LHFPL3: variants seen among roughly 807,000 people sequenced by gnomAD.
LHFPL3 encodes the protein LHFPL tetraspan subfamily member 3 protein.
Under a neutral mutation model 19.3 loss-of-function variants are expected in LHFPL3, and 5 were observed. The ratio of observed to expected loss-of-function variants is 0.26; its 90% CI spans 0.14 to 0.54. The LOEUF (loss-of-function observed/expected upper bound fraction) is 0.54, where lower values mean the gene tolerates loss of function less well. Ranked by LOEUF, LHFPL3 falls within the 20% of genes least tolerant of loss-of-function variation. The pLI is 0.94. For synonymous variants in LHFPL3, 133 were observed against 126.2 expected (o/e 1.05, Z -0.36); for missense variants, 249 against 307.4 (o/e 0.81, Z 1.42).
chr7:104,347,921 C>G (rs1349675862), intron 1 of LHFPL3, among the ~76,000 whole-genome samples: 1 of 151,734 alleles, frequency 6.6e-6, no homozygotes, highest in African/African-American at 2.4e-5. Flanking sequence ...AAAACTTTGC[C>G]TTGTTTTCTG....
intron 1 of LHFPL3, among the ~76,000 whole-genome samples, chr7:104,477,017 G>A (rs1014199001): frequency 6.6e-6 from 1 of 151,984 alleles, no homozygotes; most frequent in Non-Finnish European, 1.5e-5. Flanking sequence ...TTAATACAAA[G>A]TCTTGCTCTC....
At position 104,602,020 on chromosome 7, in the gene LHFPL3, C is replaced by CTTTTTTTTTTT. The variant is rs57501560; in HGVS notation, c.446-134645_446-134635dup. ...TAGCAATTTATTTTCTTTTTCTTTT[C>CTTTTTTTTTTT]TTTTTTTTTTTTTTTTTTTTCTGAC... On this transcript the variant is annotated intron_variant, in intron 1 of 2. Coordinates refer to ENST00000424859, the MANE Select transcript of LHFPL3 (RefSeq NM_199000.3). Among the ~76,000 whole-genome samples the CTTTTTTTTTTT allele has an allele frequency of 1.8e-3, 163 of 91,456 alleles. 8 individuals are homozygous for CTTTTTTTTTTT. The highest frequency in any genetic ancestry group is 4.3e-3 in the East Asian group (12 of 2,760). 60.0% of individuals were successfully genotyped at this position (91,456 alleles called of 152,430 possible). A position where few individuals can be genotyped will look rare whatever the true frequency, so the allele number is the denominator to read the frequency against.
chr7:104,803,928 G>A (rs573978573), intron 2 of LHFPL3: 1 of 152,276 alleles, frequency 6.6e-6, no homozygotes, highest in East Asian at 1.9e-4. Flanking sequence ...TCAGGCTTCT[G>A]TCATCATGTT....
intron 2 of LHFPL3, among the ~76,000 whole-genome samples, chr7:104,744,843 T>C (rs960108948): frequency 5.9e-5 from 9 of 152,204 alleles, no homozygotes; most frequent in African/African-American, 2.2e-4. Context: ...TGTGGTCTCC[T>C]TTGCCAATTC....
chr7:104,445,102 CTGG>C (rs1356357272), intron 1 of LHFPL3, among the ~76,000 whole-genome samples: 3 of 151,962 alleles, frequency 2.0e-5, no homozygotes, highest in African/African-American at 7.2e-5. Flanking sequence ...TGTTAGTTTG[CTGG>C]TGGTGGTGGT....
At chr7:104,869,011 C>A (rs551718798) in intron 2 of LHFPL3, among the ~76,000 whole-genome samples, 11 of 152,266 alleles carry the variant, frequency 7.2e-5, no homozygotes, top group African/African-American at 2.4e-4. Context: ...GCTGGGAAAA[C>A]TGGCTAGCCA....
intron 1 of LHFPL3, among the ~76,000 whole-genome samples, chr7:104,431,340 A>G (rs962965874): frequency 3.9e-5 from 6 of 152,190 alleles, no homozygotes; most frequent in African/African-American, 9.6e-5. Flanking sequence ...AATTCTTAAT[A>G]TAGTACTGTC....
At chr7:104,723,191 G>C (rs1034127902) in intron 1 of LHFPL3, among the ~76,000 whole-genome samples, 1 of 152,134 alleles carries the variant, frequency 6.6e-6, no homozygotes. Flanking sequence ...AGCCATTTGT[G>C]TACTATTTCA....
chr7:104,565,674 T>A (rs190305996), intron 1 of LHFPL3, among the ~76,000 whole-genome samples: 1 of 141,112 alleles, frequency 7.1e-6, no homozygotes, highest in Non-Finnish European at 1.5e-5. Context: ...ACAGTTAGAC[T>A]TTTTTTTTTC....
intron 1 of LHFPL3, among the ~76,000 whole-genome samples, chr7:104,478,216 C>T (rs990764290): frequency 6.6e-6 from 1 of 152,028 alleles, no homozygotes. Context: ...TTTTATGAGT[C>T]TCCGTTGTTT....
chr7:104,847,856 A>G (rs1022532835), intron 2 of LHFPL3, among the ~76,000 whole-genome samples: 3 of 152,244 alleles, frequency 2.0e-5, no homozygotes, highest in Non-Finnish European at 2.9e-5. Flanking sequence ...ACTTGATTTA[A>G]CATTTTGGTC....
intron 1 of LHFPL3, among the ~76,000 whole-genome samples, chr7:104,646,391 T>C (rs887064806): frequency 6.6e-6 from 1 of 152,314 alleles, no homozygotes; most frequent in African/African-American, 2.4e-5. Flanking sequence ...ATCAACATCA[T>C]TGTGAGTGAA....
chr7:104,559,691 G>T (rs920737326), intron 1 of LHFPL3, among the ~76,000 whole-genome samples: 1 of 151,962 alleles, frequency 6.6e-6, no homozygotes, highest in Non-Finnish European at 1.5e-5. Context: ...CTGCCTAATT[G>T]CCCTGGCCAG....
At chr7:104,811,896 TGAA>T (rs1210766070) in intron 2 of LHFPL3, among the ~76,000 whole-genome samples, 15 of 152,214 alleles carry the variant, frequency 9.9e-5, no homozygotes, top group Admixed American at 9.8e-4. Context: ...CACACAACAC[TGAA>T]GGATTTGCAA....
intron 1 of LHFPL3, among the ~76,000 whole-genome samples, chr7:104,514,946 C>T (rs1456629616): frequency 1.3e-5 from 2 of 152,168 alleles, no homozygotes; most frequent in Non-Finnish European, 2.9e-5. Context: ...GAATAATCTG[C>T]ACTCAATGGA....
chr7:104,840,925 C>T (rs561108478), intron 2 of LHFPL3, among the ~76,000 whole-genome samples: 6 of 151,720 alleles, frequency 4.0e-5, no homozygotes, highest in East Asian at 3.9e-4. Context: ...TTTAATGTTT[C>T]GAGTATAATA....
chr7:104,430,021 C>G (rs1178532142), intron 1 of LHFPL3, among the ~76,000 whole-genome samples: 2 of 152,032 alleles, frequency 1.3e-5, no homozygotes, highest in Non-Finnish European at 2.9e-5. Context: ...CCTCAAACCG[C>G]TCTAGCTGCT....
chr7:104,431,914 GGGA>G (rs1792010652), intron 1 of LHFPL3, among the ~76,000 whole-genome samples: 1 of 152,148 alleles, frequency 6.6e-6, no homozygotes, highest in Non-Finnish European at 1.5e-5. Flanking sequence ...AGGTTTGACT[GGGA>G]GAGGAGGTAG....
At chr7:104,330,709 G>A (rs932837091) in intron 1 of LHFPL3, among the ~76,000 whole-genome samples, 5 of 152,080 alleles carry the variant, frequency 3.3e-5, no homozygotes, top group Admixed American at 1.3e-4. Flanking sequence ...GGAGTTCTGC[G>A]TCTCCTTCTG....
Sources: allele counts gnomAD v4.1 joint callset (sites outside exome capture counted in the v4.1 genomes callset), GRCh38; gene constraint gnomAD v4.1.1; transcripts MANE v1.5; gene names NCBI Gene and HGNC (gene_info 2026-07-23, HGNC 2026-07-21).